The following CNTNAP2 variants were observed in gnomAD, a reference collection of about 807,000 sequenced individuals.
CNTNAP2 encodes the protein contactin-associated protein-like 2.
A neutral mutation model predicts 155.2 loss-of-function variants in CNTNAP2; 98 were observed. That is an observed-to-expected ratio of 0.63 (90% CI 0.54 to 0.75). The LOEUF is 0.75. Among genes scored for constraint, CNTNAP2 ranks in the 30% least tolerant of loss-of-function variants. The pLI, the probability that CNTNAP2 is intolerant of heterozygous loss-of-function variation, is 0.00. For missense variants in CNTNAP2, 1,727 were observed against 1,688.1 expected (o/e 1.02, Z -0.40); for synonymous variants, 651 against 631.2 (o/e 1.03, Z -0.47).
intron 10 of CNTNAP2, among the ~76,000 whole-genome samples, chr7:147,414,268 A>G (rs2116493952): frequency 6.6e-6 from 1 of 152,076 alleles, no homozygotes; most frequent in Non-Finnish European, 1.5e-5. Flanking sequence ...TGCTAAAAAT[A>G]TAAAGATTAG....
intron 22 of CNTNAP2, among the ~76,000 whole-genome samples, chr7:148,403,156 C>T (rs539503138): frequency 5.7e-5 from 7 of 122,086 alleles, no homozygotes; most frequent in African/African-American, 1.6e-4. Flanking sequence ...TTACTAAGTA[C>T]GTTCCTGGGA....
intron 1 of CNTNAP2, among the ~76,000 whole-genome samples, chr7:146,606,473 G>T (rs549491073): frequency 6.6e-5 from 10 of 152,232 alleles, no homozygotes; most frequent in Admixed American, 5.2e-4. Flanking sequence ...AAAGATAATT[G>T]AATATTGTTA....
chr7:147,749,165 T>C (rs17133830), intron 13 of CNTNAP2, among the ~76,000 whole-genome samples: 22 of 152,350 alleles, frequency 1.4e-4, no homozygotes, highest in Admixed American at 1.3e-4. Context: ...TAAATGTGTT[T>C]GGCAAATTTT....
At chr7:147,521,691 T>G (rs1426216095) in intron 11 of CNTNAP2, among the ~76,000 whole-genome samples, 5 of 152,136 alleles carry the variant, frequency 3.3e-5, no homozygotes, top group Non-Finnish European at 7.3e-5. Flanking sequence ...GATCAGTGAT[T>G]TTGAAGGTGG....
intron 1 of CNTNAP2, among the ~76,000 whole-genome samples, chr7:146,728,004 G>C (rs1801460599): frequency 6.6e-6 from 1 of 152,068 alleles, no homozygotes; most frequent in South Asian, 2.1e-4. Context: ...AAGTAGAGAA[G>C]GGGTCCAATG....
Position 146,296,393 on chromosome 7 carries a change from G to A in CNTNAP2, c.97+179420G>A, listed in dbSNP as rs573286035. ...AGGTTTTCTCCTGTCTCCTCCTTTG[G>A]CTGCCCTGCAATGAAACCCCTTTCT... is the stretch of plus-strand genomic sequence containing the variant. On this transcript the variant is annotated intron_variant, in intron 1 of 23. Coordinates refer to ENST00000361727, the MANE Select transcript of CNTNAP2 (RefSeq NM_014141.6). 6.6e-5 allele frequency among the ~76,000 whole-genome samples: 10 copies of A among 152,126 alleles called. No homozygotes were observed. In the East Asian group the frequency reaches 1.9e-3, roughly 29 times the overall value.
rs568738214 is a variant in CNTNAP2, at chr7:147,265,044, A to T, written c.1349-35097A>T. On this transcript the variant is annotated intron_variant, in intron 8 of 23. Coordinates refer to ENST00000361727, the MANE Select transcript of CNTNAP2 (RefSeq NM_014141.6). Reference sequence around the variant, plus strand: ...GGGCTCCATCTCTTAGGCACCTGAGACCCAGGTCACCCTTAGCGTTGCTCA... The same window carrying T: ...GGGCTCCATCTCTTAGGCACCTGAGTCCCAGGTCACCCTTAGCGTTGCTCA... 2.6e-5 allele frequency among the ~76,000 whole-genome samples: 4 copies of T among 152,112 alleles called. No individual in the cohort carries two copies. In the South Asian group the frequency reaches 6.3e-4, roughly 24 times the overall value.
At chr7:146,777,381 C>G (rs562938325) in intron 2 of CNTNAP2, among the ~76,000 whole-genome samples, 2 of 152,168 alleles carry the variant, frequency 1.3e-5, no homozygotes, top group Non-Finnish European at 2.9e-5. Context: ...GGTGAGGTAA[C>G]TAAGCTATAT....
Position 147,470,686 on chromosome 7 carries a change from G to A in CNTNAP2, c.1671-15249G>A, listed in dbSNP as rs1199662440. Among the ~76,000 whole-genome samples, 3 of 152,204 alleles carry A rather than the reference G, an allele frequency of 2.0e-5. No homozygotes were observed. In the East Asian group the frequency reaches 5.8e-4, roughly 29 times the overall value. ...GCCTGAAAAGCCAGAAGAATGGAGT[G>A]GCCATTAAGTGATTGAGGACGACTG... On this transcript the variant is annotated intron_variant, in intron 10 of 23. Coordinates refer to ENST00000361727, the MANE Select transcript of CNTNAP2 (RefSeq NM_014141.6).
intron 3 of CNTNAP2, among the ~76,000 whole-genome samples, chr7:146,876,235 G>C (rs1795425785): frequency 1.3e-5 from 2 of 152,052 alleles, no homozygotes; most frequent in Non-Finnish European, 2.9e-5. Flanking sequence ...AATCTTCCCA[G>C]GTTGAAGATG....
intron 12 of CNTNAP2, among the ~76,000 whole-genome samples, chr7:147,617,598 T>G (rs1801317255): frequency 1.3e-5 from 2 of 152,100 alleles, no homozygotes; most frequent in South Asian, 4.1e-4. Context: ...ACAATAAAAA[T>G]TTTATGCTTG....
intron 8 of CNTNAP2, among the ~76,000 whole-genome samples, chr7:147,152,519 C>G (rs916294858): frequency 2.6e-5 from 4 of 151,942 alleles, no homozygotes; most frequent in African/African-American, 9.7e-5. Context: ...GTGGCTCTTA[C>G]AAGTATTAGA....
intron 15 of CNTNAP2, among the ~76,000 whole-genome samples, chr7:148,094,295 G>A (rs1443894881): frequency 6.6e-6 from 1 of 152,238 alleles, no homozygotes; most frequent in Non-Finnish European, 1.5e-5. Flanking sequence ...GCATAGCACA[G>A]TAAATGACAC....
At chr7:148,193,148 G>T (rs1299077790) in intron 18 of CNTNAP2, among the ~76,000 whole-genome samples, 2 of 151,986 alleles carry the variant, frequency 1.3e-5, no homozygotes, top group Non-Finnish European at 2.9e-5. Context: ...TTCCTACATG[G>T]TTATTTTCAG....
At chr7:146,160,685 G>T (rs572159008) in intron 1 of CNTNAP2, among the ~76,000 whole-genome samples, 3 of 152,070 alleles carry the variant, frequency 2.0e-5, no homozygotes, top group African/African-American at 7.2e-5. Context: ...ACCAATAACA[G>T]GTTCTGAAAT....
intron 15 of CNTNAP2, among the ~76,000 whole-genome samples, chr7:148,110,107 G>C (rs10263914): frequency 1.3e-5 from 2 of 151,850 alleles, no homozygotes; most frequent in African/African-American, 2.4e-5. Context: ...GCAAACTCTC[G>C]GTGGGCTTTT....
rs570910158 is a variant in CNTNAP2 at position 147,906,261 on chromosome 7, G to A, written c.2255+2540G>A. On this transcript the variant is annotated intron_variant, in intron 14 of 23. Coordinates refer to ENST00000361727, the MANE Select transcript of CNTNAP2 (RefSeq NM_014141.6). ...GGATGGAGTACAGTGGCAAAACCTC[G>A]GCCCACTGAAACCTCTGCCTCCCCG... 4.6e-5 allele frequency among the ~76,000 whole-genome samples: 7 copies of A among 151,932 alleles called. No homozygotes were observed. In the South Asian group the frequency reaches 6.2e-4, roughly 14 times the overall value.
chr7:148,096,278 CATGTGTGT>C (rs1465135431), intron 15 of CNTNAP2, among the ~76,000 whole-genome samples: 2 of 119,170 alleles, frequency 1.7e-5, no homozygotes, highest in Admixed American at 8.2e-5. Context: ...TGCATGCATG[CATGTGTGT>C]GTGTGTGTGT....
chr7:148,089,566 A>G (rs1803798474), intron 15 of CNTNAP2, among the ~76,000 whole-genome samples: 1 of 151,926 alleles, frequency 6.6e-6, no homozygotes, highest in Admixed American at 6.6e-5. Flanking sequence ...TAAAAAAGAA[A>G]TACTTAAGAA....
Sources: allele counts gnomAD v4.1 joint callset (sites outside exome capture counted in the v4.1 genomes callset), GRCh38; gene constraint gnomAD v4.1.1; transcripts MANE v1.5; gene names NCBI Gene and HGNC (gene_info 2026-07-23, HGNC 2026-07-21).